SNX9: variants seen among roughly 807,000 people sequenced by gnomAD.
The protein encoded by SNX9 is sorting nexin-9.
A neutral mutation model predicts 89.4 loss-of-function variants in SNX9; 44 were observed. The ratio of observed to expected loss-of-function variants is 0.49; its 90% confidence interval spans 0.39 to 0.63. SNX9 has a LOEUF of 0.63. SNX9 is among the 30% of genes least tolerant of loss of function. SNX9 has a pLI of 0.00. For missense variants in SNX9, 578 were observed against 736.1 expected, an observed-to-expected ratio of 0.79 and a Z score of 2.49; for synonymous variants, 236 against 247.8, an observed-to-expected ratio of 0.95 and a Z score of 0.45.
chr6:157,826,769 T>C, intron 1 of SNX9, among the ~76,000 whole-genome samples: 1 of 116,546 alleles, frequency 8.6e-6, no homozygotes, highest in Non-Finnish European at 1.6e-5. Context: ...ATATATATGA[T>C]ATATAAATAT....
chr6:157,930,053 C>T (rs1283526287), intron 12 of SNX9, among the ~76,000 whole-genome samples: 2 of 152,082 alleles, frequency 1.3e-5, no homozygotes, highest in African/African-American at 4.8e-5. Flanking sequence ...AAACTTGTGG[C>T]TCCATAAAGC....
At chr6:157,834,886 C>T (rs1207149124) in intron 1 of SNX9, among the ~76,000 whole-genome samples, 1 of 152,204 alleles carries the variant, frequency 6.6e-6, no homozygotes, top group Non-Finnish European at 1.5e-5. Context: ...AATGTCCTTG[C>T]AACCCCTAAA....
rs924122391 is a variant in SNX9, at chr6:157,921,553, C to A, written c.972C>A (p.Ile324=). 2 of 1,613,556 alleles carry A rather than the reference C, an allele frequency of 1.2e-6. No individual in the cohort carries two copies. Among genetic ancestry groups the A allele is most frequent in the Non-Finnish European group, 1.7e-6 (2 of 1,179,676 alleles). Residue 324 remains isoleucine, a synonymous_variant, in exon 10 of 18, where the codon ATC becomes ATA. Transcript: ENST00000392185. ...CAGGCCGCTTTGAAGAGGAATTTAT[C>A]AAAATGCGCATGGAGAGACTTCAGG... ...QVTGRFEEEF[I]KMRMERLQAW... is the part of the protein sequence containing the mutation.
chr6:157,919,799 T>C (rs1004415061), intron 9 of SNX9, among the ~76,000 whole-genome samples: 5 of 152,240 alleles, frequency 3.3e-5, no homozygotes, highest in African/African-American at 1.2e-4. Context: ...CTCTTAATTT[T>C]TTGTTGAAAA....
chr6:157,919,740 G>A (rs1471622741), intron 9 of SNX9, among the ~76,000 whole-genome samples: 1 of 151,286 alleles, frequency 6.6e-6, no homozygotes, highest in African/African-American at 2.4e-5. Context: ...TCTATTGACT[G>A]TTTGTTTTTT....
Position 157,896,963 on chromosome 6 carries a change from C to T in SNX9, c.437C>T (p.Thr146Ile), listed in dbSNP as rs995759900. ...RNTNTPNNWDTAFGHPQAYQG... is the reference protein window; with the variant it reads ...RNTNTPNNWDIAFGHPQAYQG... Reference sequence around the variant, plus strand: ...ACAAACACTCCCAACAACTGGGACACTGCCTTCGGCCACCCCCAGGCCTAC... The same window carrying T: ...ACAAACACTCCCAACAACTGGGACATTGCCTTCGGCCACCCCCAGGCCTAC... Residue 146 changes from threonine (T) to isoleucine (I), a missense_variant, in exon 5 of 18, where the codon ACT (threonine) becomes ATT (isoleucine). Thr to Ile is a moderately conservative substitution (Grantham distance 89, BLOSUM62 -1). Coordinates refer to ENST00000392185, the MANE Select transcript of SNX9 (RefSeq NM_016224.5). The T allele has an allele frequency of 1.4e-5, 23 of 1,610,630 alleles. No homozygotes were observed. Among genetic ancestry groups the T allele is most frequent in the Non-Finnish European group, 2.0e-5 (23 of 1,179,038 alleles).
chr6:157,934,347 CTTGTT>C (rs996708425), intron 13 of SNX9: 6 of 152,096 alleles, frequency 3.9e-5, no homozygotes, highest in African/African-American at 1.4e-4. Context: ...CTGATTATAT[CTTGTT>C]TTGTACAGTT....
chr6:157,846,047 C>T (rs960547809), intron 1 of SNX9, among the ~76,000 whole-genome samples: 3 of 152,196 alleles, frequency 2.0e-5, no homozygotes, highest in Non-Finnish European at 2.9e-5. Flanking sequence ...GAGAGGCGCC[C>T]GTCCTGCTGT....
At chr6:157,921,415 T>C in intron 9 of SNX9, 116 bp from the exon 10 acceptor site, 3 of 1,060,266 alleles carry the variant, frequency 2.8e-6, no homozygotes, top group Non-Finnish European at 4.0e-6. Flanking sequence ...TACCTTTTGC[T>C]AAATAGCTTT....
chr6:157,899,906 C>T (rs7769923), intron 5 of SNX9, among the ~76,000 whole-genome samples: 37,394 of 151,474 alleles, frequency 0.25, 4,843 homozygotes, highest in African/African-American at 0.33. Context: ...TGTGTGTGTG[C>T]GCGTGTATAT....
intron 6 of SNX9, among the ~76,000 whole-genome samples, chr6:157,903,210 T>G (rs1783142648): frequency 6.6e-6 from 1 of 152,208 alleles, no homozygotes; most frequent in Admixed American, 6.5e-5. Flanking sequence ...ATATTCCAAT[T>G]CCATGATTCA....
intron 4 of SNX9, among the ~76,000 whole-genome samples, chr6:157,877,608 T>C (rs1317112829): frequency 6.6e-6 from 1 of 152,182 alleles, no homozygotes; most frequent in Non-Finnish European, 1.5e-5. Context: ...ATTTTCTGAA[T>C]GCGGGTAGGA....
At chr6:157,873,001 A>G in intron 2 of SNX9, 101 bp from the exon 3 acceptor site, 1 of 782,210 alleles carries the variant, frequency 1.3e-6, no homozygotes, top group Non-Finnish European at 1.9e-6. Context: ...GCTTAATGTT[A>G]ATTGCTTTTT....
chr6:157,932,467 A>G (rs1320042630), intron 13 of SNX9, among the ~76,000 whole-genome samples, 195 bp downstream of exon 13: 1 of 152,152 alleles, frequency 6.6e-6, no homozygotes, highest in East Asian at 1.9e-4. Flanking sequence ...AGGTGGTTAT[A>G]ATTTGTATTT....
chr6:157,859,093 C>T (rs780050761), intron 1 of SNX9, among the ~76,000 whole-genome samples: 1 of 152,108 alleles, frequency 6.6e-6, no homozygotes, highest in Non-Finnish European at 1.5e-5. Context: ...CATCTTCCGC[C>T]ATTACTGTAC....
In SNX9 at chr6:157,906,101, C is replaced by T. The variant is rs202167517; in HGVS notation, c.621-27C>T. 1.7e-4 allele frequency: 265 copies of T among 1,583,804 alleles called. 2 individuals carry two copies. In the East Asian group the frequency reaches 4.7e-3, roughly 28 times the overall value. ...AATTCTTACAAGGAAAGTCTTAAGA[C>T]TGATGAACATTTATATTCATGATTA... On this transcript the variant is annotated intron_variant, in intron 6 of 17. Transcript: ENST00000392185.
chr6:157,875,013 A>G (rs1306299498), intron 3 of SNX9, 38 bp from the exon 4 acceptor site: 7 of 1,610,592 alleles, frequency 4.3e-6, no homozygotes, highest in Admixed American at 3.3e-5. Flanking sequence ...AAGTGACCGT[A>G]ATCTATGAAA....
At chr6:157,824,355 G>A (rs1781301527) in intron 1 of SNX9, among the ~76,000 whole-genome samples, 1 of 152,182 alleles carries the variant, frequency 6.6e-6, no homozygotes, top group East Asian at 1.9e-4. Flanking sequence ...TGGGGGAGGA[G>A]GCTCTATACC....
intron 12 of SNX9, among the ~76,000 whole-genome samples, chr6:157,929,581 C>G (rs1017447401): frequency 1.3e-5 from 2 of 152,140 alleles, no homozygotes; most frequent in Admixed American, 1.3e-4. Flanking sequence ...CTCATAACAC[C>G]ATACAGGAAT....
Sources: gnomAD v4.1 joint callset for allele counts (sites outside exome capture counted in the v4.1 genomes callset) on GRCh38, gnomAD v4.1.1 for gene constraint, MANE v1.5 for transcripts, NCBI Gene and HGNC (gene_info 2026-07-23, HGNC 2026-07-21) for gene names.